IPP: variants seen among roughly 807,000 people sequenced by gnomAD.
The protein encoded by IPP is intracisternal A particle-promoted polypeptide.
A neutral mutation model predicts 64.1 loss-of-function variants in IPP; 41 were observed. The observed-to-expected ratio is 0.64, with a 90% CI of 0.50 to 0.83. IPP has a LOEUF of 0.83. Among genes scored for constraint, IPP ranks in the 40% least tolerant of loss-of-function variants. The pLI is 0.00. For synonymous variants in IPP, 214 were observed against 235.2 expected (o/e 0.91, Z 0.83); for missense variants, 649 against 703.0 (o/e 0.92, Z 0.87).
chr1:45,732,761 G>A (rs925259740), intron 3 of IPP, among the ~76,000 whole-genome samples: 5 of 151,988 alleles, frequency 3.3e-5, no homozygotes, highest in Admixed American at 3.3e-4. Flanking sequence ...CCACCTCCTG[G>A]GTTCACACCA....
chr1:45,724,227 G>C (rs549313435), intron 5 of IPP, among the ~76,000 whole-genome samples: 1 of 152,168 alleles, frequency 6.6e-6, no homozygotes, highest in Non-Finnish European at 1.5e-5. Context: ...CGAGTGATCC[G>C]CCAGCCTTCG....
intron 7 of IPP, among the ~76,000 whole-genome samples, chr1:45,715,787 A>C (rs964333016): frequency 1.2e-4 from 19 of 152,212 alleles, no homozygotes; most frequent in Admixed American, 6.5e-5. Flanking sequence ...AGAAGTTGAC[A>C]TAGATAAGTT....
At chr1:45,695,080 G>C (rs1645375041), downstream of IPP, 2 of 152,392 alleles carry the variant, frequency 1.3e-5, no homozygotes, top group African/African-American at 2.4e-5. Context: ...TTTTAGTAGA[G>C]GTGGCATTTC....
chr1:45,714,409 T>A lies in IPP; in HGVS notation c.1367A>T (p.Glu456Val). The change falls in exon 8 of 9, where the codon GAA becomes GTA. Residue 456 changes from glutamate to valine, a missense_variant. Transcript: ENST00000396478. ...ACGCTTAGAAAGTGGATCATAGACT[T>A]CAAAAGAACGAAGTTCTATTCCTTC... Reference protein sequence around the residue: ...SNEGIELRSFEVYDPLSKRWS... With the variant: ...SNEGIELRSFVVYDPLSKRWS... The A allele has an allele frequency of 2.5e-6, 4 of 1,614,096 alleles. No individual in the cohort carries two copies. Among genetic ancestry groups the A allele is most frequent in the Non-Finnish European group, 3.4e-6 (4 of 1,179,938 alleles).
intron 5 of IPP, among the ~76,000 whole-genome samples, chr1:45,726,374 C>A (rs887895955): frequency 1.3e-5 from 2 of 152,004 alleles, no homozygotes; most frequent in Admixed American, 1.3e-4. Flanking sequence ...AGGAGAATCG[C>A]TTGAACCCGG....
At chr1:45,735,530 T>TG (rs1645967097) in intron 3 of IPP, among the ~76,000 whole-genome samples, 1 of 136,384 alleles carries the variant, frequency 7.3e-6, no homozygotes. Flanking sequence ...TGGAGTGAAG[T>TG]GGCATGATCA....
chr1:45,729,445 C>G (rs1645876353), intron 4 of IPP, among the ~76,000 whole-genome samples, 169 bp downstream of exon 4: 1 of 152,100 alleles, frequency 6.6e-6, no homozygotes, highest in Non-Finnish European at 1.5e-5. Context: ...ACATATTTGT[C>G]ATAATATATA....
chr1:45,713,663 C>T (rs1645621161), intron 8 of IPP, among the ~76,000 whole-genome samples: 1 of 152,190 alleles, frequency 6.6e-6, no homozygotes, highest in South Asian at 2.1e-4. Flanking sequence ...CTCCTAGGCT[C>T]AAGTGATCCT....
chr1:45,744,941 G>A (rs1646115163), intron 2 of IPP, among the ~76,000 whole-genome samples: 1 of 152,066 alleles, frequency 6.6e-6, no homozygotes, highest in Admixed American at 6.6e-5. Flanking sequence ...CATACCTGTA[G>A]TCACAGCTAT....
In IPP at chr1:45,699,140, G is replaced by C; in HGVS notation, c.*826C>G. 1.0e-6 allele frequency: 1 copy of C among 985,260 alleles called. No homozygotes were observed. Among genetic ancestry groups the C allele is most frequent in the South Asian group, 4.7e-5 (1 of 21,280 alleles). The allele number at this position is 985,260 out of a possible 1,614,324, so 61.0% of individuals were successfully genotyped here. On this transcript the variant is annotated 3_prime_UTR_variant, in exon 9 of 9. Coordinates refer to ENST00000396478, the MANE Select transcript of IPP (RefSeq NM_005897.3). ...TCCTTACTTGCATTCTCAGGATCAAGACAAAAAATATGAGCAAGCAAAAAC... is the reference window on the plus strand; with the variant it reads ...TCCTTACTTGCATTCTCAGGATCAACACAAAAAATATGAGCAAGCAAAAAC...
At chr1:45,722,856 T>G (rs1645751737) in intron 5 of IPP, among the ~76,000 whole-genome samples, 1 of 152,240 alleles carries the variant, frequency 6.6e-6, no homozygotes, top group Admixed American at 6.5e-5. Flanking sequence ...TGTTATGACA[T>G]GCTAAGTGAA....
chr1:45,702,168 G>C (rs1040747832), intron 8 of IPP, among the ~76,000 whole-genome samples: 8 of 152,060 alleles, frequency 5.3e-5, no homozygotes, highest in African/African-American at 1.9e-4. Context: ...AGGGACCTTA[G>C]GGCTCATCCT....
intron 7 of IPP, among the ~76,000 whole-genome samples, chr1:45,715,901 T>A (rs527250012): frequency 5.3e-5 from 8 of 152,302 alleles, no homozygotes; most frequent in African/African-American, 1.7e-4. Context: ...TAAGATATAG[T>A]CTGCACTGCA....
Position 45,699,864 on chromosome 1 carries a change from T to C in IPP, c.*102A>G. ...TTTATCTACCAAATACATGGAAAAC[T>C]CACAGAATCAGAGGGTCTTATCACC... On this transcript the variant is annotated 3_prime_UTR_variant, in exon 9 of 9. Transcript: ENST00000396478. 1 of 1,520,516 alleles carries C rather than the reference T, an allele frequency of 6.6e-7. No homozygotes were observed. The highest frequency in any genetic ancestry group is 8.8e-7 in the Non-Finnish European group (1 of 1,137,790). 94.2% of individuals were successfully genotyped at this position (1,520,516 alleles called of 1,614,324 possible).
At chr1:45,711,753 CAA>C (rs751563608) in intron 8 of IPP, among the ~76,000 whole-genome samples, 12 of 53,462 alleles carry the variant, frequency 2.2e-4, no homozygotes, top group East Asian at 5.1e-4. Context: ...GACTCTGTCA[CAA>C]AAAAAAAAAA....
intron 7 of IPP, among the ~76,000 whole-genome samples, 163 bp from the exon 8 acceptor site, chr1:45,714,629 C>T (rs185256852): frequency 6.6e-6 from 1 of 152,322 alleles, no homozygotes; most frequent in African/African-American, 2.4e-5. Flanking sequence ...TTTATCACCT[C>T]ACTATTCAGC....
At chr1:45,717,941 T>C (rs186914342) in intron 6 of IPP, among the ~76,000 whole-genome samples, 2 of 152,086 alleles carry the variant, frequency 1.3e-5, no homozygotes, top group Admixed American at 1.3e-4. Flanking sequence ...TTTTCCACAA[T>C]AGGTTTGGAT....
At chr1:45,717,895 A>G (rs1264599525) in intron 6 of IPP, among the ~76,000 whole-genome samples, 4 of 152,252 alleles carry the variant, frequency 2.6e-5, no homozygotes, top group Non-Finnish European at 5.9e-5. Flanking sequence ...GTAATAAAAT[A>G]TAATAGATTA....
At chr1:45,716,716 T>C (rs1645663750) in intron 7 of IPP, among the ~76,000 whole-genome samples, 179 bp downstream of exon 7, 2 of 152,246 alleles carry the variant, frequency 1.3e-5, no homozygotes, top group Non-Finnish European at 2.9e-5. Flanking sequence ...AAATCAATTA[T>C]TTTAGCAATA....
Sources: gnomAD v4.1 joint callset for allele counts (sites outside exome capture counted in the v4.1 genomes callset) on GRCh38, gnomAD v4.1.1 for gene constraint, MANE v1.5 for transcripts, NCBI Gene and HGNC (gene_info 2026-07-23, HGNC 2026-07-21) for gene names.